Variants in SEPTIN7 observed in about 807,000 individuals in gnomAD.
SEPTIN7 encodes septin-7.
In SEPTIN7, 10 loss-of-function variants were observed where a neutral mutation model predicts 63.3. The ratio of observed to expected loss-of-function variants is 0.16; its 90% CI spans 0.10 to 0.27. SEPTIN7 has a LOEUF of 0.27. Ranked by LOEUF, SEPTIN7 falls within the 10% of genes least tolerant of loss-of-function variation. The pLI is 1.00. For synonymous variants in SEPTIN7, 131 were observed against 165.3 expected (o/e 0.79, Z 1.59); for missense variants, 310 against 521.0 (o/e 0.59, Z 3.94).
chr7:35,867,448 C>A (rs117440895), intron 4 of SEPTIN7, among the ~76,000 whole-genome samples: 1 of 152,196 alleles, frequency 6.6e-6, no homozygotes, highest in Non-Finnish European at 1.5e-5. Flanking sequence ...CTCCAAAGTT[C>A]AAGTGTTTCT....
At chr7:35,829,644 A>G (rs1410370329) in intron 1 of SEPTIN7, among the ~76,000 whole-genome samples, 1 of 152,174 alleles carries the variant, frequency 6.6e-6, no homozygotes, top group African/African-American at 2.4e-5. Flanking sequence ...TACTGGTGCA[A>G]CTTGCTCTCA....
chr7:35,830,094 G>A (rs1022505228), intron 1 of SEPTIN7, among the ~76,000 whole-genome samples: 1 of 151,940 alleles, frequency 6.6e-6, no homozygotes, highest in African/African-American at 2.4e-5. Flanking sequence ...GCTGAGGCAG[G>A]GAATTGCTTG....
intron 11 of SEPTIN7, 138 bp downstream of exon 11, chr7:35,890,931 T>C: frequency 1.5e-6 from 1 of 684,366 alleles, no homozygotes; most frequent in Non-Finnish European, 2.1e-6. Context: ...CATAAATTTA[T>C]ATTGTTATGC....
intron 9 of SEPTIN7, among the ~76,000 whole-genome samples, chr7:35,884,936 C>T (rs1384578442): frequency 6.6e-6 from 1 of 152,026 alleles, no homozygotes; most frequent in Non-Finnish European, 1.5e-5. Context: ...TAATCTGATA[C>T]TTAATCTTCT....
At chr7:35,803,096 TAG>T (rs1448535142) in intron 1 of SEPTIN7, 7 of 786,160 alleles carry the variant, frequency 8.9e-6, no homozygotes, top group Non-Finnish European at 1.1e-5. Context: ...TGATTTTAAT[TAG>T]TTCTTATCCT....
rs757150356 is a variant in SEPTIN7, at chr7:35,863,637, T to C, written c.255T>C (p.His85=). The C allele has an allele frequency of 2.7e-5, 43 of 1,564,150 alleles. No individual in the cohort carries two copies. The highest frequency in any genetic ancestry group is 3.5e-5 in the Non-Finnish European group (40 of 1,152,084). Residue 85 remains histidine (H), a synonymous_variant, in exon 4 of 14, where the codon CAT becomes CAC. Coordinates refer to ENST00000350320, the MANE Select transcript of SEPTIN7 (RefSeq NM_001788.6). ...LYSPEYPGPS[H]RIKKTVQVEQ... ...CTCCAGAGTATCCAGGTCCTTCTCA[T>C]AGAATTAAAAAGACTGTACAGGTAT... is the stretch of plus-strand genomic sequence containing the variant.
rs1788777989 is a variant in SEPTIN7 at position 35,812,309 on chromosome 7, G to A, written c.61+11039G>A. On this transcript the variant is annotated intron_variant, in intron 1 of 13. Transcript: ENST00000350320. ...GTAATTACATAGACATAGGCCCCAC[G>A]TCCCTTCCCCACCCCCCCATTTTTT... Among the ~76,000 whole-genome samples the A allele has an allele frequency of 2.0e-5, 3 of 150,996 alleles. No homozygotes were observed. The South Asian group carries it at 6.3e-4, about 32-fold the overall frequency.
chr7:35,893,793 A>G (rs1787792978), intron 11 of SEPTIN7, among the ~76,000 whole-genome samples: 1 of 152,176 alleles, frequency 6.6e-6, no homozygotes, highest in Non-Finnish European at 1.5e-5. Context: ...AGAGGGACTT[A>G]AAACAAGAAA....
intron 11 of SEPTIN7, among the ~76,000 whole-genome samples, chr7:35,895,233 T>C (rs1787889640): frequency 6.6e-6 from 1 of 152,152 alleles, no homozygotes; most frequent in South Asian, 2.1e-4. Flanking sequence ...AGATAAAAAG[T>C]GATCTCCCTA....
chr7:35,803,044 T>C lies in SEPTIN7; in HGVS notation c.61+1774T>C, dbSNP rs78644129. On this transcript the variant is annotated intron_variant, in intron 1 of 13. Coordinates refer to ENST00000350320, the MANE Select transcript of SEPTIN7 (RefSeq NM_001788.6). The stretch of plus-strand genomic sequence containing the variant: ...ATACATATTTTACCACATCTTAGGC[T>C]TACAGAATTCAAATTCACAACAAAT... 1,281 of 399,544 alleles carry C rather than the reference T, an allele frequency of 3.2e-3. 12 individuals are homozygous for C. The highest frequency in any genetic ancestry group is 0.026 in the African/African-American group (1,191 of 46,108). The allele number at this position is 399,544 out of a possible 1,614,324, so 24.7% of individuals were successfully genotyped here. A position where few individuals can be genotyped will look rare whatever the true frequency, so the allele number is the denominator to read the frequency against.
At chr7:35,883,762 T>A in intron 8 of SEPTIN7, 129 bp from the exon 9 acceptor site, 1 of 520,560 alleles carries the variant, frequency 1.9e-6, no homozygotes, top group South Asian at 3.4e-5. Context: ...CTATAAAAAC[T>A]AATGCAGAAA....
intron 1 of SEPTIN7, among the ~76,000 whole-genome samples, chr7:35,810,612 C>G (rs10254993): frequency 6.6e-6 from 1 of 151,184 alleles, no homozygotes; most frequent in South Asian, 2.1e-4. Flanking sequence ...CGTGAGCCAC[C>G]GCGCCCAGCC....
intron 4 of SEPTIN7, among the ~76,000 whole-genome samples, chr7:35,864,985 A>G (rs1785725600): frequency 6.6e-6 from 1 of 151,916 alleles, no homozygotes; most frequent in Non-Finnish European, 1.5e-5. Context: ...TTGTGAAGTG[A>G]ATTTCTTATT....
At chr7:35,878,787 G>A (rs1726371231) in intron 6 of SEPTIN7, among the ~76,000 whole-genome samples, 1 of 152,162 alleles carries the variant, frequency 6.6e-6, no homozygotes, top group African/African-American at 2.4e-5. Flanking sequence ...GAGGGAAAAT[G>A]GGGGTTCAGA....
At position 35,811,561 on chromosome 7, in the gene SEPTIN7, C is replaced by G. The variant is rs1363143494; in HGVS notation, c.61+10291C>G. On this transcript the variant is annotated intron_variant, in intron 1 of 13. Coordinates refer to ENST00000350320, the MANE Select transcript of SEPTIN7 (RefSeq NM_001788.6). ...ACACAGTTGGAGACTCTATAACTCACTAGGTGGGAAGTGGGGCTTAGAAGC... is the reference window on the plus strand; with the variant it reads ...ACACAGTTGGAGACTCTATAACTCAGTAGGTGGGAAGTGGGGCTTAGAAGC... Among the ~76,000 whole-genome samples the G allele has an allele frequency of 2.0e-5, 3 of 152,216 alleles. No homozygotes were observed. In the East Asian group the frequency reaches 5.8e-4, roughly 29 times the overall value.
At chr7:35,804,212 A>G (rs373800756) in intron 1 of SEPTIN7, among the ~76,000 whole-genome samples, 6 of 152,300 alleles carry the variant, frequency 3.9e-5, no homozygotes, top group East Asian at 1.9e-4. Context: ...GCCTACTCCT[A>G]TTTGAGAGGA....
chr7:35,865,778 A>G (rs1255075897), intron 4 of SEPTIN7, among the ~76,000 whole-genome samples: 2 of 152,172 alleles, frequency 1.3e-5, no homozygotes, highest in East Asian at 1.9e-4. Context: ...AAATCTAACT[A>G]ATAATCCCCT....
At chr7:35,826,839 G>T (rs1304359144) in intron 1 of SEPTIN7, among the ~76,000 whole-genome samples, 1 of 152,056 alleles carries the variant, frequency 6.6e-6, no homozygotes, top group East Asian at 1.9e-4. Context: ...TTTAAAAATG[G>T]TAATGGCATT....
chr7:35,877,161 C>G (rs911948945), intron 6 of SEPTIN7, among the ~76,000 whole-genome samples: 8 of 152,012 alleles, frequency 5.3e-5, no homozygotes, highest in Non-Finnish European at 8.8e-5. Flanking sequence ...ACTAGTGAGG[C>G]AAGAACACAG....
Sources: gnomAD v4.1 joint callset for allele counts (sites outside exome capture counted in the v4.1 genomes callset) on GRCh38, gnomAD v4.1.1 for gene constraint, MANE v1.5 for transcripts, NCBI Gene and HGNC (gene_info 2026-07-23, HGNC 2026-07-21) for gene names.